Variants in TBC1D19 observed in about 807,000 individuals in gnomAD.
TBC1D19 encodes the protein TBC1 domain family, member 19.
Under a neutral mutation model 89.0 loss-of-function variants are expected in TBC1D19, and 60 were observed. The observed-to-expected ratio is 0.67, with a 90% CI of 0.55 to 0.84. TBC1D19 has a LOEUF of 0.84. TBC1D19 is among the 40% of genes least tolerant of loss of function. The pLI is 0.00. For synonymous variants in TBC1D19, 189 were observed against 199.7 expected (o/e 0.95, Z 0.45); for missense variants, 500 against 610.8 (o/e 0.82, Z 1.91).
chr4:26,665,173 A>G (rs1219105474), intron 8 of TBC1D19, among the ~76,000 whole-genome samples: 2 of 152,202 alleles, frequency 1.3e-5, no homozygotes, highest in Non-Finnish European at 2.9e-5. Flanking sequence ...AGTCATGGAC[A>G]AGATGCAGTA....
At chr4:26,804,107 G>T in the TBC1D19 span, among the ~76,000 whole-genome samples, 24 of 150,308 alleles carry the variant, frequency 1.6e-4, no homozygotes, top group Admixed American at 1.5e-3. Context: ...AAAAAAAGCC[G>T]CTGAGTCTGT....
chr4:26,632,100 A>G (rs772878723), intron 4 of TBC1D19, among the ~76,000 whole-genome samples: 215 of 152,234 alleles, frequency 1.4e-3, no homozygotes, highest in Non-Finnish European at 2.5e-3. Context: ...TGTCATTCCA[A>G]AAGTTATCTT....
At chr4:26,603,793 A>T (rs1285746906) in intron 1 of TBC1D19, among the ~76,000 whole-genome samples, 1 of 152,232 alleles carries the variant, frequency 6.6e-6, no homozygotes, top group Non-Finnish European at 1.5e-5. Flanking sequence ...AAGTGAACAA[A>T]TTTTTGTGGT....
At chr4:26,648,349 C>G (rs548528366) in intron 7 of TBC1D19, among the ~76,000 whole-genome samples, 4 of 152,232 alleles carry the variant, frequency 2.6e-5, no homozygotes, top group African/African-American at 9.6e-5. Context: ...TGTAAATAAA[C>G]AGTTGTGGAA....
intron 11 of TBC1D19, among the ~76,000 whole-genome samples, chr4:26,680,118 G>T (rs886708903): frequency 6.6e-6 from 1 of 152,054 alleles, no homozygotes; most frequent in African/African-American, 2.4e-5. Flanking sequence ...CTGTGAAGAG[G>T]TGCCTTCCAC....
chr4:26,683,787 T>C (rs759326804), intron 12 of TBC1D19, 38 bp downstream of exon 12: 26 of 1,536,036 alleles, frequency 1.7e-5, no homozygotes, highest in Non-Finnish European at 2.0e-5. Context: ...TTTTCATTAA[T>C]ATAATTTAGA....
In TBC1D19 at chr4:26,683,734, C is replaced by T; in HGVS notation, c.876C>T (p.Asp292=). The part of the protein sequence containing the change: ...TNVIQHDLLV[D]SLIYKDVKLT... Reference sequence around the variant, plus strand: ...TGATACAACATGACCTTTTGGTGGACAGTCTAATCTATAAAGTAAGTAAAA... The same window carrying T: ...TGATACAACATGACCTTTTGGTGGATAGTCTAATCTATAAAGTAAGTAAAA... Residue 292 remains aspartate, a synonymous_variant, in exon 12 of 21, where the codon GAC becomes GAT. Coordinates refer to ENST00000264866, the MANE Select transcript of TBC1D19 (RefSeq NM_018317.4). The T allele has an allele frequency of 6.2e-7, 1 of 1,612,390 alleles. No homozygotes were observed. The highest frequency in any genetic ancestry group is 8.5e-7 in the Non-Finnish European group (1 of 1,179,314).
chr4:26,712,456 T>C (rs1263597301), intron 13 of TBC1D19, among the ~76,000 whole-genome samples: 1 of 152,050 alleles, frequency 6.6e-6, no homozygotes, highest in East Asian at 1.9e-4. Flanking sequence ...CTTTCTGACT[T>C]TGACCCTGCT....
the TBC1D19 span, among the ~76,000 whole-genome samples, chr4:26,830,238 C>A: frequency 6.6e-6 from 1 of 152,192 alleles, no homozygotes; most frequent in Non-Finnish European, 1.5e-5. Flanking sequence ...TGCGTATATG[C>A]AAACAATAAA....
intron 11 of TBC1D19, 148 bp from the exon 12 acceptor site, chr4:26,683,527 A>G (rs578247474): frequency 3.9e-5 from 21 of 531,718 alleles, no homozygotes; most frequent in Middle Eastern, 4.8e-4. Context: ...TTGAACATCT[A>G]CTATTAGTCA....
At chr4:26,722,579 C>A (rs1717049379) in intron 15 of TBC1D19, among the ~76,000 whole-genome samples, 2 of 152,032 alleles carry the variant, frequency 1.3e-5, no homozygotes, top group Non-Finnish European at 2.9e-5. Flanking sequence ...AGTCTGGGGC[C>A]ATTTTATGTA....
At chr4:26,808,741 A>G in the TBC1D19 span, among the ~76,000 whole-genome samples, 80 of 150,386 alleles carry the variant, frequency 5.3e-4, no homozygotes, top group African/African-American at 1.5e-3. Context: ...AAAAAAAAAA[A>G]AAAAAGAAAA....
the TBC1D19 span, among the ~76,000 whole-genome samples, chr4:26,847,382 G>C: frequency 2.6e-5 from 4 of 152,170 alleles, no homozygotes; most frequent in Non-Finnish European, 5.9e-5. Context: ...CCACTGAGAA[G>C]GGACATCTGT....
chr4:26,809,800 C>T, the TBC1D19 span, among the ~76,000 whole-genome samples: 4 of 152,146 alleles, frequency 2.6e-5, no homozygotes, highest in Admixed American at 1.3e-4. Flanking sequence ...CTCTGTGAAT[C>T]GTCCCTTCAT....
intron 15 of TBC1D19, among the ~76,000 whole-genome samples, chr4:26,723,440 A>T (rs1189407364): frequency 3.3e-5 from 5 of 152,130 alleles, no homozygotes; most frequent in African/African-American, 1.2e-4. Context: ...GTTAGCCTGC[A>T]GCTCACTGAC....
At position 26,754,952 on chromosome 4, in the gene TBC1D19, C is replaced by T. The variant is rs756632506; in HGVS notation, c.*5C>T. 6.2e-7 allele frequency: 1 copy of T among 1,601,428 alleles called. No individual in the cohort carries two copies. The highest frequency in any genetic ancestry group is 1.1e-5 in the South Asian group (1 of 89,340). ...CTGTTTGCTACTGTCACCTGATCTT[C>T]TTCACAGTCACTGGCAACACATCTA... On this transcript the variant is annotated 3_prime_UTR_variant, in exon 21 of 21. Transcript: ENST00000264866.
At chr4:26,749,790 TG>T (rs2109331463) in intron 19 of TBC1D19, among the ~76,000 whole-genome samples, 1 of 152,262 alleles carries the variant, frequency 6.6e-6, no homozygotes, top group African/African-American at 2.4e-5. Flanking sequence ...TTATAGTTAC[TG>T]GGTAGCATAT....
the TBC1D19 span, among the ~76,000 whole-genome samples, chr4:26,833,251 C>G: frequency 1.1e-4 from 16 of 152,072 alleles, no homozygotes; most frequent in African/African-American, 3.6e-4. Flanking sequence ...ACAGAAAAAT[C>G]AAGGATGCAA....
At chr4:26,826,028 C>A in the TBC1D19 span, among the ~76,000 whole-genome samples, 1 of 152,060 alleles carries the variant, frequency 6.6e-6, no homozygotes, top group African/African-American at 2.4e-5. Flanking sequence ...ATGGCGAAAC[C>A]CCATCTCTAC....
Sources: gnomAD v4.1 joint callset for allele counts (sites outside exome capture counted in the v4.1 genomes callset) on GRCh38, gnomAD v4.1.1 for gene constraint, MANE v1.5 for transcripts, NCBI Gene and HGNC (gene_info 2026-07-23, HGNC 2026-07-21) for gene names.